The following CCDC85A variants were observed in gnomAD, a reference collection of about 807,000 sequenced individuals.
The protein encoded by CCDC85A is coiled-coil domain containing 85A.
A neutral mutation model predicts 50.2 loss-of-function variants in CCDC85A; 38 were observed. The ratio of observed to expected loss-of-function variants is 0.76; its 90% CI spans 0.58 to 0.99. The LOEUF (loss-of-function observed/expected upper bound fraction) is 0.99. Ranked by LOEUF, CCDC85A falls within the 50% of genes least tolerant of loss-of-function variation. CCDC85A has a pLI of 0.00. For missense variants in CCDC85A, 820 were observed against 742.0 expected (o/e 1.11, Z -1.22); for synonymous variants, 366 against 301.4 (o/e 1.21, Z -2.22).
intron 2 of CCDC85A, among the ~76,000 whole-genome samples, chr2:56,327,851 A>C (rs985955143): frequency 2.4e-4 from 36 of 148,064 alleles, no homozygotes; most frequent in African/African-American, 9.1e-4. Flanking sequence ...AAAAAAAAAA[A>C]AGATTTTAAG....
At chr2:56,205,537 A>G (rs1401063132) in intron 2 of CCDC85A, among the ~76,000 whole-genome samples, 1 of 152,186 alleles carries the variant, frequency 6.6e-6, no homozygotes, top group Non-Finnish European at 1.5e-5. Flanking sequence ...TATTACAACA[A>G]ATTAAAGGCT....
intron 2 of CCDC85A, among the ~76,000 whole-genome samples, chr2:56,341,413 G>C (rs568742640): frequency 5.3e-5 from 8 of 152,222 alleles, no homozygotes; most frequent in African/African-American, 1.7e-4. Flanking sequence ...GGCTTGCGGG[G>C]AGCCCTCTCC....
chr2:56,320,328 CA>C (rs537527004), intron 2 of CCDC85A, among the ~76,000 whole-genome samples: 11 of 149,998 alleles, frequency 7.3e-5, no homozygotes, highest in South Asian at 2.1e-4. Flanking sequence ...AAAAACCCTT[CA>C]AAAAAATCAA....
chr2:56,329,309 G>A lies in CCDC85A; in HGVS notation c.1241-13570G>A, dbSNP rs527609139. Among the ~76,000 whole-genome samples, 14 of 152,046 alleles carry A rather than the reference G, an allele frequency of 9.2e-5. No homozygotes were observed. In the South Asian group the frequency reaches 2.9e-3, roughly 32 times the overall value. On this transcript the variant is annotated intron_variant, in intron 2 of 5. Transcript: ENST00000407595. ...AGATCTAAGCTAAAGTGGTGTGGTG[G>A]GACATACAGGGCAGTGGTGTGCTTA...
intron 3 of CCDC85A, among the ~76,000 whole-genome samples, chr2:56,357,822 A>G (rs186522276): frequency 6.6e-5 from 10 of 152,274 alleles, no homozygotes; most frequent in Non-Finnish European, 1.3e-4. Context: ...GACAGGGCAC[A>G]ATACAATATG....
intron 5 of CCDC85A, among the ~76,000 whole-genome samples, chr2:56,380,712 A>G (rs1160494313): frequency 4.6e-5 from 7 of 152,170 alleles, no homozygotes. Context: ...GATTTTTACT[A>G]TTAATCCCTG....
chr2:56,288,047 C>T (rs759167959), intron 2 of CCDC85A, among the ~76,000 whole-genome samples: 8 of 152,058 alleles, frequency 5.3e-5, no homozygotes, highest in Admixed American at 6.6e-5. Flanking sequence ...CAGAGCCTGG[C>T]GTCAGCTTCA....
chr2:56,318,803 G>C (rs1376900262), intron 2 of CCDC85A, among the ~76,000 whole-genome samples: 2 of 152,076 alleles, frequency 1.3e-5, no homozygotes, highest in Non-Finnish European at 2.9e-5. Context: ...TCCTATTTCA[G>C]ATTCCCAATG....
At chr2:56,290,089 C>T (rs1296319749) in intron 2 of CCDC85A, among the ~76,000 whole-genome samples, 1 of 152,064 alleles carries the variant, frequency 6.6e-6, no homozygotes, top group African/African-American at 2.4e-5. Context: ...CCTATTCTGG[C>T]CACATCCTTC....
intron 3 of CCDC85A, among the ~76,000 whole-genome samples, chr2:56,347,282 G>A (rs1297803482): frequency 6.6e-6 from 1 of 152,170 alleles, no homozygotes; most frequent in Non-Finnish European, 1.5e-5. Context: ...AGCCAGTGAA[G>A]GCCGGGCTTC....
intron 3 of CCDC85A, among the ~76,000 whole-genome samples, chr2:56,363,845 A>G (rs1448337874): frequency 1.3e-5 from 2 of 152,182 alleles, no homozygotes; most frequent in African/African-American, 4.8e-5. Context: ...CATACTGGCA[A>G]TTCAGCTCCA....
intron 3 of CCDC85A, 71 bp from the exon 4 acceptor site, chr2:56,372,273 C>A: frequency 5.0e-6 from 7 of 1,409,812 alleles, no homozygotes; most frequent in Non-Finnish European, 6.6e-6. Context: ...GCTTCATGTT[C>A]TATCTGCTTT....
At chr2:56,287,451 A>G (rs918741525) in intron 2 of CCDC85A, among the ~76,000 whole-genome samples, 2 of 152,154 alleles carry the variant, frequency 1.3e-5, no homozygotes, top group Non-Finnish European at 2.9e-5. Flanking sequence ...TCTCTCAACA[A>G]TTACTATCTT....
chr2:56,192,446 T>C lies in CCDC85A; in HGVS notation c.277-31T>C. 1 of 1,576,466 alleles carries C rather than the reference T, an allele frequency of 6.3e-7. No homozygotes were observed. On this transcript the variant is annotated intron_variant, in intron 1 of 5. Coordinates refer to ENST00000407595, the MANE Select transcript of CCDC85A (RefSeq NM_001080433.2). The surrounding 1 kb of genome is among the most constrained non-coding windows in gnomAD (Gnocchi z 4.7). ...GCCTGCTGACACCTCAGATGTGTAC[T>C]TCCCTTGAATGGTTGTGTCTCTCTT...
chr2:56,197,819 T>C (rs1320776635), intron 2 of CCDC85A, among the ~76,000 whole-genome samples: 1 of 152,228 alleles, frequency 6.6e-6, no homozygotes, highest in Non-Finnish European at 1.5e-5. Flanking sequence ...ATTTGTGTTT[T>C]TGATGGGTGG....
chr2:56,250,351 T>C (rs1669699601), intron 2 of CCDC85A, among the ~76,000 whole-genome samples: 1 of 152,224 alleles, frequency 6.6e-6, no homozygotes, highest in South Asian at 2.1e-4. Flanking sequence ...CCCAAGCCTG[T>C]GTCTCTGCAA....
chr2:56,219,050 C>T (rs1256743236), intron 2 of CCDC85A, among the ~76,000 whole-genome samples: 2 of 150,796 alleles, frequency 1.3e-5, no homozygotes, highest in African/African-American at 2.4e-5. Flanking sequence ...TTTGAATGAA[C>T]TGAAATGATC....
At chr2:56,320,953 G>A (rs562909056) in intron 2 of CCDC85A, among the ~76,000 whole-genome samples, 71 of 152,178 alleles carry the variant, frequency 4.7e-4, no homozygotes, top group African/African-American at 1.7e-3. Context: ...CGATCAAGTG[G>A]GCTGCATCCC....
chr2:56,321,353 C>T (rs1047516905), intron 2 of CCDC85A, among the ~76,000 whole-genome samples: 4 of 152,168 alleles, frequency 2.6e-5, no homozygotes, highest in Non-Finnish European at 5.9e-5. Flanking sequence ...GTCAAATTGT[C>T]CCTGTTTGCA....
Sources: gnomAD v4.1 joint callset for allele counts (sites outside exome capture counted in the v4.1 genomes callset) on GRCh38, gnomAD v4.1.1 for gene constraint, Gnocchi (gnomAD v3.1) non-coding constraint, MANE v1.5 for transcripts, NCBI Gene and HGNC (gene_info 2026-07-23, HGNC 2026-07-21) for gene names.